The following TMEM45A variants were observed in gnomAD, a reference collection of about 807,000 sequenced individuals.
The protein encoded by TMEM45A is transmembrane protein 45A.
TMEM45A carries 25 observed loss-of-function variants against 32.0 expected under a neutral mutation model. The observed-to-expected ratio is 0.78, with a 90% CI of 0.57 to 1.09. TMEM45A has a LOEUF of 1.09. TMEM45A is among the 50% of genes least tolerant of loss of function. The pLI is 0.00. For missense variants in TMEM45A, 302 were observed against 325.0 expected, an observed-to-expected ratio of 0.93 and a Z score of 0.54; for synonymous variants, 122 against 114.8, an observed-to-expected ratio of 1.06 and a Z score of -0.40.
At chr3:100,515,955 AT>A (rs1335319787) in intron 1 of TMEM45A, among the ~76,000 whole-genome samples, 1 of 152,188 alleles carries the variant, frequency 6.6e-6, no homozygotes, top group Non-Finnish European at 1.5e-5. Flanking sequence ...ATGAACAACA[AT>A]ATATTATATA....
At chr3:100,493,020 C>G (rs932642976) in intron 1 of TMEM45A, 92 bp downstream of exon 1, 2 of 151,950 alleles carry the variant, frequency 1.3e-5, no homozygotes, top group East Asian at 1.9e-4. Context: ...TTCTCTTCAT[C>G]AAGGGGAGAA....
intron 1 of TMEM45A, chr3:100,519,317 G>A (rs1417810726): frequency 3.8e-6 from 2 of 526,662 alleles, no homozygotes; most frequent in Non-Finnish European, 6.8e-6. Context: ...TAAAAGTGTG[G>A]TAAGTTTTAA....
rs747148114 is a variant in TMEM45A, at chr3:100,551,010, C to CTT, written c.-3-4179_-3-4178dup. 7.8e-3 allele frequency among the ~76,000 whole-genome samples: 933 copies of CTT among 119,584 alleles called. 25 individuals are homozygous for CTT. Among genetic ancestry groups the CTT allele is most frequent in the African/African-American group, 0.026 (733 of 28,328 alleles). The allele number at this position is 119,584 out of a possible 152,430, so 78.5% of individuals were successfully genotyped here. On this transcript the variant is annotated intron_variant, in intron 1 of 5. Transcript: ENST00000323523. ...CGTCTTTTTAGGCCTGGGTGAACTG[C>CTT]TTTTTTTTTTTTTTTTTTTTTGAGA...
chr3:100,523,688 TCC>T (rs1705481803), intron 1 of TMEM45A, among the ~76,000 whole-genome samples: 3 of 70,098 alleles, frequency 4.3e-5, no homozygotes, highest in Admixed American at 2.1e-4. Flanking sequence ...TCCTTTCTCC[TCC>T]TTCTCCTTCT....
At chr3:100,508,300 G>T (rs574985043) in intron 1 of TMEM45A, among the ~76,000 whole-genome samples, 1 of 152,190 alleles carries the variant, frequency 6.6e-6, no homozygotes, top group South Asian at 2.1e-4. Flanking sequence ...CTGCAGCGTG[G>T]TGCCCTTTCG....
At chr3:100,549,931 G>A (rs1312494534) in intron 1 of TMEM45A, among the ~76,000 whole-genome samples, 1 of 151,052 alleles carries the variant, frequency 6.6e-6, no homozygotes, top group African/African-American at 2.4e-5. Flanking sequence ...GTATTCCATG[G>A]TGTATATGTG....
chr3:100,557,586 A>G (rs2148983818), intron 3 of TMEM45A, among the ~76,000 whole-genome samples: 1 of 152,304 alleles, frequency 6.6e-6, no homozygotes, highest in South Asian at 2.1e-4. Context: ...TACACACGTA[A>G]AAAATAGATT....
In TMEM45A at chr3:100,514,462, T is replaced by C. The variant is rs558846943; in HGVS notation, c.-4+21534T>C. 2.5e-3 allele frequency among the ~76,000 whole-genome samples: 387 copies of C among 152,026 alleles called. 6 individuals carry two copies. Among genetic ancestry groups the C allele is most frequent in the Admixed American group, 0.021 (319 of 15,256 alleles). ...AACTGGATCCCTTCCTTACACCTTA[T>C]ACAAAAATTAATTCAAGATGGATTA... On this transcript the variant is annotated intron_variant, in intron 1 of 5. Transcript: ENST00000323523.
At chr3:100,505,743 G>T (rs901208981) in intron 1 of TMEM45A, among the ~76,000 whole-genome samples, 1 of 152,152 alleles carries the variant, frequency 6.6e-6, no homozygotes. Context: ...ATGAAATAAT[G>T]ATTTTTGAAA....
At chr3:100,557,120 G>A in intron 3 of TMEM45A, 148 bp downstream of exon 3, 1 of 861,064 alleles carries the variant, frequency 1.2e-6, no homozygotes, top group Non-Finnish European at 1.8e-6. Flanking sequence ...GGGTGTCCTA[G>A]GCAGGGCGCC....
chr3:100,496,835 T>A (rs897933152), intron 1 of TMEM45A, among the ~76,000 whole-genome samples: 2 of 152,164 alleles, frequency 1.3e-5, no homozygotes, highest in Non-Finnish European at 2.9e-5. Context: ...TATTTTTATT[T>A]AAAAAAATAA....
At chr3:100,521,089 C>T (rs1320216059) in intron 1 of TMEM45A, among the ~76,000 whole-genome samples, 3 of 152,098 alleles carry the variant, frequency 2.0e-5, no homozygotes, top group Non-Finnish European at 2.9e-5. Context: ...CAAAGTTTAG[C>T]GCGTGAAGCT....
At chr3:100,523,860 G>T (rs898404378) in intron 1 of TMEM45A, among the ~76,000 whole-genome samples, 2 of 149,720 alleles carry the variant, frequency 1.3e-5, no homozygotes, top group African/African-American at 4.9e-5. Context: ...ATTCCTTTTT[G>T]AACAGAGTTA....
intron 5 of TMEM45A, chr3:100,572,640 A>T (rs1236414866): frequency 1.3e-5 from 2 of 152,076 alleles, no homozygotes; most frequent in Admixed American, 6.5e-5. Context: ...TTTTGTTGCC[A>T]TTGCTTTTGG....
intron 5 of TMEM45A, chr3:100,571,220 C>T (rs1262416598): frequency 6.6e-6 from 1 of 152,162 alleles, no homozygotes; most frequent in Non-Finnish European, 1.5e-5. Flanking sequence ...TCATTACTCC[C>T]ACAGTCTTAA....
At chr3:100,516,481 G>T (rs1045029008) in intron 1 of TMEM45A, among the ~76,000 whole-genome samples, 4 of 152,160 alleles carry the variant, frequency 2.6e-5, no homozygotes, top group African/African-American at 9.7e-5. Flanking sequence ...AAGAGAATTA[G>T]CTTACCATTG....
intron 1 of TMEM45A, among the ~76,000 whole-genome samples, chr3:100,539,345 G>A (rs1705804622): frequency 6.6e-6 from 1 of 152,002 alleles, no homozygotes; most frequent in Admixed American, 6.6e-5. Flanking sequence ...CAATTCAGTA[G>A]TGAAAAAATA....
In TMEM45A at chr3:100,568,839, TC is replaced by T; in HGVS notation, c.612del (p.Ser205ValfsTer8). 6.2e-7 allele frequency: 1 copy of T among 1,611,818 alleles called. No individual in the cohort carries two copies. The highest frequency in any genetic ancestry group is 8.5e-7 in the Non-Finnish European group (1 of 1,178,472). On this transcript the variant is annotated frameshift_variant, in exon 5 of 6. Transcript: ENST00000323523. LOFTEE classifies it high-confidence loss of function. ...WFFQIGFVLY[P>X]PSGGPAWDLM... ...AATTACAGATTGGATTTGTCCTGTA[TC>T]CCCCCAGTGGAGGTCCTGCATGGGA...
At chr3:100,499,045 G>T (rs1176508780) in intron 1 of TMEM45A, among the ~76,000 whole-genome samples, 2 of 151,954 alleles carry the variant, frequency 1.3e-5, no homozygotes, top group Non-Finnish European at 2.9e-5. Context: ...TTAAAATTAG[G>T]GTTTTTTTTT....
Sources: gnomAD v4.1 joint callset for allele counts (sites outside exome capture counted in the v4.1 genomes callset) on GRCh38, gnomAD v4.1.1 for gene constraint, MANE v1.5 for transcripts, NCBI Gene and HGNC (gene_info 2026-07-23, HGNC 2026-07-21) for gene names.